Variants in NLGN4X observed in about 807,000 individuals in gnomAD.
NLGN4X encodes neuroligin 4 X-linked.
NLGN4X carries 3 observed loss-of-function variants against 40.3 expected under a neutral mutation model. The observed-to-expected ratio is 0.07, with a 90% CI of 0.03 to 0.19. The LOEUF is 0.19. Ranked by LOEUF, NLGN4X falls within the 10% of genes least tolerant of loss-of-function variation. The pLI, the probability that NLGN4X is intolerant of heterozygous loss-of-function variation, is 1.00. For synonymous variants in NLGN4X, 270 were observed against 306.8 expected (o/e 0.88, Z 1.25); for missense variants, 382 against 708.3 (o/e 0.54, Z 5.23).
intron 3 of NLGN4X, among the ~76,000 whole-genome samples, chrX:5,987,009 G>A (rs1388766077): frequency 1.8e-5 from 2 of 111,443 alleles, no homozygotes; most frequent in Non-Finnish European, 3.8e-5. Flanking sequence ...TGAGAAAGGA[G>A]GGTGCCTGAA....
chrX:6,112,448 G>A (rs747080808), intron 2 of NLGN4X, among the ~76,000 whole-genome samples: 4 of 111,522 alleles, frequency 3.6e-5, no homozygotes, highest in African/African-American at 9.8e-5. Flanking sequence ...ACTGATATAT[G>A]TAAATGAGGG....
At chrX:6,145,743 T>C (rs904938496) in intron 2 of NLGN4X, among the ~76,000 whole-genome samples, 1 of 111,646 alleles carries the variant, frequency 9.0e-6, no homozygotes, top group African/African-American at 3.3e-5. Context: ...TTCCAGCTTC[T>C]TTCCCTGTTG....
intron 3 of NLGN4X, among the ~76,000 whole-genome samples, chrX:5,989,222 C>T (rs1333501479): frequency 9.0e-6 from 1 of 111,632 alleles, no homozygotes; most frequent in East Asian, 2.8e-4. Context: ...CTGGCTGTAT[C>T]CAAATATAAA....
chrX:6,053,075 T>C (rs1196335054), intron 2 of NLGN4X, among the ~76,000 whole-genome samples: 2 of 111,882 alleles, frequency 1.8e-5, no homozygotes, highest in Non-Finnish European at 3.8e-5. Flanking sequence ...CCATATTACA[T>C]GTGAAATTAT....
At chrX:6,040,519 T>A (rs544952431) in intron 2 of NLGN4X, among the ~76,000 whole-genome samples, 49 of 112,409 alleles carry the variant, frequency 4.4e-4, no homozygotes, top group Admixed American at 3.0e-3. Flanking sequence ...AAAGACATTT[T>A]ATTTGCTTAC....
chrX:6,128,829 A>G (rs1274913033), intron 2 of NLGN4X, among the ~76,000 whole-genome samples: 2 of 112,440 alleles, frequency 1.8e-5, no homozygotes, highest in Non-Finnish European at 3.8e-5. Flanking sequence ...AATATTTTTT[A>G]ATTTTTTTTT....
At chrX:6,192,186 G>A (rs1254559581) in intron 1 of NLGN4X, among the ~76,000 whole-genome samples, 1 of 111,171 alleles carries the variant, frequency 9.0e-6, no homozygotes, top group Non-Finnish European at 1.9e-5. Context: ...CTGGAGTGCA[G>A]TGGAGCAATC....
intron 3 of NLGN4X, among the ~76,000 whole-genome samples, chrX:5,939,132 C>T (rs57065551): frequency 0.014 from 1,538 of 110,716 alleles, 21 homozygotes; most frequent in African/African-American, 0.048. Flanking sequence ...GAAGATAGTT[C>T]CCAGCAGACA....
Position 6,102,192 on chromosome X carries a change from C to G in NLGN4X, c.472+48803G>C, listed in dbSNP as rs952907829. On this transcript the variant is annotated intron_variant, in intron 2 of 5. Transcript: ENST00000381095. ...GATAAATGCTTGAGGAGATGGACACCCCATTTTCTATGATATGATTATTAT... is the reference window on the plus strand; with the variant it reads ...GATAAATGCTTGAGGAGATGGACACGCCATTTTCTATGATATGATTATTAT... Among the ~76,000 whole-genome samples the G allele has an allele frequency of 2.7e-5, 3 of 110,984 alleles. No homozygotes were observed. In the Admixed American group the frequency reaches 2.9e-4, roughly 11 times the overall value.
chrX:5,915,589 G>C (rs2032751603), intron 3 of NLGN4X, among the ~76,000 whole-genome samples: 1 of 111,835 alleles, frequency 8.9e-6, no homozygotes, highest in South Asian at 3.8e-4. Context: ...GCCTAAGCTG[G>C]AGTGCAGCAG....
At chrX:5,962,557 C>G (rs2034696645) in intron 3 of NLGN4X, among the ~76,000 whole-genome samples, 1 of 112,354 alleles carries the variant, frequency 8.9e-6, no homozygotes, top group Non-Finnish European at 1.9e-5. Context: ...ATATTTTAAT[C>G]AAAACAGTAG....
At chrX:6,079,452 T>G in intron 2 of NLGN4X, among the ~76,000 whole-genome samples, 1 of 112,595 alleles carries the variant, frequency 8.9e-6, no homozygotes. Flanking sequence ...CCTAAACTCC[T>G]CATTTAATCT....
chrX:5,995,026 C>T (rs751818359), intron 3 of NLGN4X, among the ~76,000 whole-genome samples: 12 of 112,293 alleles, frequency 1.1e-4, no homozygotes, highest in African/African-American at 3.6e-4. Flanking sequence ...ATACTTTTGG[C>T]AATATTTTTT....
Position 5,893,096 on chromosome X carries a change from G to T in NLGN4X, c.2172C>A (p.Ile724=), listed in dbSNP as rs2031281907. The change falls in exon 6 of 6, where the codon ATC becomes ATA. Residue 724 remains isoleucine (I), a synonymous_variant. Coordinates refer to ENST00000381095, the MANE Select transcript of NLGN4X (RefSeq NM_181332.3). ...QRNTTNDIAH[I]QNEEIMSLQM... is the part of the protein sequence containing the mutation. ...GCAGAGACATGATCTCTTCGTTCTG[G>T]ATGTGAGCGATATCATTTGTGGTGT... The T allele has an allele frequency of 8.3e-7, 1 of 1,209,512 alleles. No homozygotes were observed. Among genetic ancestry groups the T allele is most frequent in the Non-Finnish European group, 1.1e-6 (1 of 895,140 alleles).
At chrX:5,979,581 T>C (rs1315060746) in intron 3 of NLGN4X, among the ~76,000 whole-genome samples, 1 of 110,307 alleles carries the variant, frequency 9.1e-6, no homozygotes, top group Non-Finnish European at 1.9e-5. Flanking sequence ...CATTTGTGCA[T>C]TTATCCAATG....
intron 3 of NLGN4X, among the ~76,000 whole-genome samples, chrX:5,969,748 G>A (rs892368099): frequency 1.8e-5 from 2 of 109,966 alleles, no homozygotes; most frequent in Non-Finnish European, 3.8e-5. Flanking sequence ...GTCACTATTC[G>A]TAATAGCAAA....
At chrX:6,138,379 T>C (rs1429545359) in intron 2 of NLGN4X, among the ~76,000 whole-genome samples, 1 of 111,717 alleles carries the variant, frequency 9.0e-6, no homozygotes, top group Non-Finnish European at 1.9e-5. Flanking sequence ...TCCAAAGCTA[T>C]GTATTAGGAG....
intron 1 of NLGN4X, among the ~76,000 whole-genome samples, chrX:6,222,763 T>C (rs1433178455): frequency 8.9e-6 from 1 of 112,424 alleles, no homozygotes; most frequent in Admixed American, 9.4e-5. Context: ...TGGGAAGTAA[T>C]TGAATCATGG....
At chrX:6,040,091 C>T (rs768241393) in intron 2 of NLGN4X, among the ~76,000 whole-genome samples, 1 of 110,604 alleles carries the variant, frequency 9.0e-6, no homozygotes, top group East Asian at 2.9e-4. Context: ...GTGTGCACCA[C>T]CACACCTGGT....
Sources: gnomAD v4.1 joint callset for allele counts (sites outside exome capture counted in the v4.1 genomes callset) on GRCh38, gnomAD v4.1.1 for gene constraint, MANE v1.5 for transcripts, NCBI Gene and HGNC (gene_info 2026-07-23, HGNC 2026-07-21) for gene names.